STAM2: variants seen among roughly 807,000 people sequenced by gnomAD.
STAM2 encodes signal transducing adapter molecule 2.
Under a neutral mutation model 65.6 loss-of-function variants are expected in STAM2, and 51 were observed. The ratio of observed to expected loss-of-function variants is 0.78; its 90% CI spans 0.62 to 0.98. The LOEUF (loss-of-function observed/expected upper bound fraction) is 0.98. STAM2 is among the 50% of genes least tolerant of loss of function. The probability of loss-of-function intolerance (pLI) is 0.00; values close to 1 mark genes in which losing one functional copy is unlikely to be tolerated. For synonymous variants in STAM2, 198 were observed against 208.4 expected, an observed-to-expected ratio of 0.95 and a Z score of 0.43; for missense variants, 584 against 617.8, an observed-to-expected ratio of 0.95 and a Z score of 0.58.
intron 12 of STAM2, 52 bp from the exon 13 acceptor site, chr2:152,123,987 A>C: frequency 7.0e-7 from 1 of 1,434,984 alleles, no homozygotes; most frequent in Admixed American, 1.9e-5. Flanking sequence ...ACATGTGCCT[A>C]ATAATATATT....
chr2:152,165,557 C>T (rs4664084), intron 1 of STAM2, among the ~76,000 whole-genome samples: 32,792 of 152,064 alleles, frequency 0.22, 3,767 homozygotes, highest in Admixed American at 0.3. Context: ...ATGCACACTC[C>T]GTATGCACCT....
Position 152,120,456 on chromosome 2 carries a change from T to C in STAM2, c.*118A>G. On this transcript the variant is annotated 3_prime_UTR_variant, in exon 14 of 14. Transcript: ENST00000263904. ...TAGAATAAGAGAGGTTTTTGTGCTT[T>C]ATTTATTCATGGTCCTTTTGAGTTG... 1.2e-6 allele frequency: 1 copy of C among 843,840 alleles called. No homozygotes were observed. 52.3% of individuals were successfully genotyped at this position (843,840 alleles called of 1,614,324 possible).
intron 12 of STAM2, 54 bp downstream of exon 12, chr2:152,126,172 T>C (rs1324558681): frequency 6.9e-7 from 1 of 1,439,340 alleles, no homozygotes; most frequent in Non-Finnish European, 9.2e-7. Context: ...ACATTTTCTT[T>C]TACTTTTAAA....
Position 152,135,556 on chromosome 2 carries a change from A to G in STAM2, c.752T>C (p.Phe251Ser). The stretch of plus-strand genomic sequence containing the variant: ...ATTAGTTGTTACAAAATTGGATGGG[A>G]AAAGTCCTATTCCTCTGTGATTTTC... ...KGENHRGIGL[F>S]PSNFVTTNLN... Residue 251 changes from phenylalanine to serine, a missense_variant, in exon 8 of 14, where the codon TTC (phenylalanine) becomes TCC (serine). Transcript: ENST00000263904. 3 of 1,612,814 alleles carry G rather than the reference A, an allele frequency of 1.9e-6. No individual in the cohort carries two copies. The Middle Eastern group carries it at 5.0e-4, about 266-fold the overall frequency.
At chr2:152,138,891 C>T (rs1261565556) in intron 7 of STAM2, among the ~76,000 whole-genome samples, 2 of 152,138 alleles carry the variant, frequency 1.3e-5, no homozygotes, top group Admixed American at 6.5e-5. Context: ...TGGATGCAAG[C>T]GTTTTATATG....
intron 7 of STAM2, among the ~76,000 whole-genome samples, chr2:152,143,297 A>G (rs577619321): frequency 3.5e-4 from 53 of 152,094 alleles, no homozygotes; most frequent in Non-Finnish European, 6.3e-4. Context: ...CTTACTTCTC[A>G]CTCTTGCTAA....
chr2:152,133,698 T>A (rs941589958), intron 8 of STAM2, among the ~76,000 whole-genome samples: 1 of 152,180 alleles, frequency 6.6e-6, no homozygotes, highest in Non-Finnish European at 1.5e-5. Context: ...TGCCAGGCAT[T>A]GTTCTAGGCA....
At chr2:152,171,780 C>T (rs1164705664) in intron 1 of STAM2, among the ~76,000 whole-genome samples, 1 of 152,110 alleles carries the variant, frequency 6.6e-6, no homozygotes, top group African/African-American at 2.4e-5. Flanking sequence ...GGGACACAAG[C>T]GTATCTTTAA....
rs1689353196 is a variant in STAM2 at position 152,147,320 on chromosome 2, A to G, written c.301-12T>C. 1 of 1,523,590 alleles carries G rather than the reference A, an allele frequency of 6.6e-7. No individual in the cohort carries two copies. Among genetic ancestry groups the G allele is most frequent in the East Asian group, 2.4e-5 (1 of 41,504 alleles). The allele number at this position is 1,523,590 out of a possible 1,614,324, so 94.4% of individuals were successfully genotyped here. A position where few individuals can be genotyped will look rare whatever the true frequency, so the allele number is the denominator to read the frequency against. On this transcript the variant is annotated splice_polypyrimidine_tract_variant and intron_variant, in intron 4 of 13. Transcript: ENST00000263904. ...ACTTTAGGATGTGCCTTTTAAGGAA[A>G]AGGAAAGGAAAATAAACAAAAATCT...
intron 1 of STAM2, among the ~76,000 whole-genome samples, chr2:152,166,984 A>G (rs745430387): frequency 6.6e-6 from 1 of 152,256 alleles, no homozygotes. Context: ...TTCAGATACA[A>G]TAACAATTTC....
At chr2:152,135,221 G>C (rs1689132992) in intron 8 of STAM2, among the ~76,000 whole-genome samples, 1 of 152,154 alleles carries the variant, frequency 6.6e-6, no homozygotes, top group African/African-American at 2.4e-5. Flanking sequence ...ACACTACATA[G>C]TTAGGTTGAT....
intron 7 of STAM2, among the ~76,000 whole-genome samples, chr2:152,140,969 T>C (rs1689235446): frequency 6.6e-6 from 1 of 150,846 alleles, no homozygotes; most frequent in South Asian, 2.1e-4. Context: ...ACCCTGTCTC[T>C]ACCCCTAAAA....
intron 7 of STAM2, among the ~76,000 whole-genome samples, chr2:152,137,354 T>C (rs952431491): frequency 6.6e-6 from 1 of 152,218 alleles, no homozygotes; most frequent in Non-Finnish European, 1.5e-5. Flanking sequence ...CGTATTTCAT[T>C]GTATGCACTT....
chr2:152,154,798 T>A (rs1417551359), intron 1 of STAM2, among the ~76,000 whole-genome samples: 1 of 152,196 alleles, frequency 6.6e-6, no homozygotes, highest in African/African-American at 2.4e-5. Context: ...TTCAGAAATA[T>A]ACGTCTATAC....
intron 11 of STAM2, among the ~76,000 whole-genome samples, chr2:152,130,890 G>C (rs1434821932): frequency 2.0e-5 from 3 of 151,002 alleles, no homozygotes; most frequent in African/African-American, 7.3e-5. Context: ...CTAGCTACTT[G>C]GGAGGATGAG....
intron 1 of STAM2, among the ~76,000 whole-genome samples, chr2:152,175,158 G>C (rs956279884): frequency 6.6e-6 from 1 of 152,186 alleles, no homozygotes; most frequent in Non-Finnish European, 1.5e-5. Context: ...ATTCAATGCG[G>C]TTGTCTAGGT....
chr2:152,164,119 A>C (rs1348879434), intron 1 of STAM2, among the ~76,000 whole-genome samples: 1 of 151,892 alleles, frequency 6.6e-6, no homozygotes, highest in East Asian at 1.9e-4. Flanking sequence ...GGCATTACGG[A>C]CCTACGGCCC....
At chr2:152,174,337 A>G (rs1353838600) in intron 1 of STAM2, among the ~76,000 whole-genome samples, 1 of 152,250 alleles carries the variant, frequency 6.6e-6, no homozygotes, top group East Asian at 1.9e-4. Flanking sequence ...TGATTCAAAC[A>G]AAAGAATACT....
chr2:152,154,739 G>A (rs190373536), intron 1 of STAM2, among the ~76,000 whole-genome samples: 2 of 152,316 alleles, frequency 1.3e-5, no homozygotes, highest in African/African-American at 4.8e-5. Flanking sequence ...CATACTAAAT[G>A]TATCAGTTCT....
Sources: gnomAD v4.1 joint callset for allele counts (sites outside exome capture counted in the v4.1 genomes callset) on GRCh38, gnomAD v4.1.1 for gene constraint, MANE v1.5 for transcripts, NCBI Gene and HGNC (gene_info 2026-07-23, HGNC 2026-07-21) for gene names.